The following CD99 variants were observed in gnomAD, a reference collection of about 807,000 sequenced individuals.
The protein encoded by CD99 is CD99 antigen.
CD99 carries 19 observed loss-of-function variants against 28.4 expected under a neutral mutation model. The observed-to-expected ratio is 0.67, with a 90% confidence interval of 0.47 to 0.98. CD99 has a LOEUF of 0.98. Among genes scored for constraint, CD99 ranks in the 50% least tolerant of loss-of-function variants. CD99 has a pLI of 0.00. For missense variants in CD99, 283 were observed against 248.8 expected (o/e 1.14, Z -0.92); for synonymous variants, 103 against 92.1 (o/e 1.12, Z -0.67).
chrX:2,728,834 CTTT>C (rs1332444102), intron 8 of CD99, among the ~76,000 whole-genome samples: 6 of 119,616 alleles, frequency 5.0e-5, no homozygotes, highest in Admixed American at 8.7e-5. Context: ...AACTCTCTGG[CTTT>C]TTTTTTTTTT....
intron 1 of CD99, among the ~76,000 whole-genome samples, chrX:2,702,843 G>A (rs2047928474): frequency 6.6e-6 from 1 of 151,820 alleles, no homozygotes; most frequent in Non-Finnish European, 1.5e-5. Flanking sequence ...GTGCAGTGGC[G>A]TGATCTTGGC....
Position 2,738,217 on chromosome X carries a change from G to C in CD99, c.493G>C (p.Asp165His). ...CTTTTCAGCAGAACAAGGGGAGGTG[G>C]ACATGGAGAGCCACCGGAATGCCAA... ...FKENAEQGEV[D>H]MESHRNANAE... is the part of the protein sequence containing the mutation. Residue 165 changes from aspartate (D) to histidine (H), a missense_variant, in exon 9 of 10, where the codon GAC becomes CAC. Transcript: ENST00000381192. 1 of 1,613,840 alleles carries C rather than the reference G, an allele frequency of 6.2e-7. No homozygotes were observed. Among genetic ancestry groups the C allele is most frequent in the Non-Finnish European group, 8.5e-7 (1 of 1,179,808 alleles).
At chrX:2,718,627 C>A (rs1363214629) in intron 3 of CD99, among the ~76,000 whole-genome samples, 1 of 152,178 alleles carries the variant, frequency 6.6e-6, no homozygotes, top group East Asian at 1.9e-4. Flanking sequence ...CCTTGGCCTC[C>A]CAAAGTGCTG....
chrX:2,727,486 T>C lies in CD99; in HGVS notation c.475+1113T>C, dbSNP rs997632429. 2.8e-4 allele frequency: 196 copies of C among 688,462 alleles called. 1 individual carries two copies. The highest frequency in any genetic ancestry group is 8.5e-4 in the South Asian group (55 of 65,000). The allele number at this position is 688,462 out of a possible 1,614,324, so 42.6% of individuals were successfully genotyped here. A position where few individuals can be genotyped will look rare whatever the true frequency, so the allele number is the denominator to read the frequency against. On this transcript the variant is annotated intron_variant, in intron 8 of 9. Transcript: ENST00000381192. ...GACCGGGAACAGCTACTCTTATTTT[T>C]TATTTCTTGAGACAGAGTTTCGCTC... is the stretch of plus-strand genomic sequence containing the variant.
Position 2,705,052 on chromosome X carries a change from C to T in CD99, c.68-9370C>T, listed in dbSNP as rs139200148. Among the ~76,000 whole-genome samples, 74 of 152,310 alleles carry T rather than the reference C, an allele frequency of 4.9e-4. No homozygotes were observed. The East Asian group carries it at 0.013, about 27-fold the overall frequency. ...TTTTCAAGCTAAGAAGACAGAGAGA[C>T]GAGTTTAACTATTGCTACAGACATG... On this transcript the variant is annotated intron_variant, in intron 1 of 9. Transcript: ENST00000381192.
intron 2 of CD99, 70 bp downstream of exon 2, chrX:2,714,524 C>G: frequency 2.4e-6 from 3 of 1,276,018 alleles, no homozygotes; most frequent in Non-Finnish European, 2.3e-6. Flanking sequence ...CAGGCATATC[C>G]CAGCCATTTC....
chrX:2,715,421 A>C (rs999328094), intron 2 of CD99: 2 of 152,116 alleles, frequency 1.3e-5, no homozygotes, highest in African/African-American at 4.8e-5. Flanking sequence ...CGGGAGCTCC[A>C]GGTGTCCCTG....
chrX:2,728,578 G>C (rs2049417810), intron 8 of CD99, among the ~76,000 whole-genome samples: 1 of 152,144 alleles, frequency 6.6e-6, no homozygotes, highest in Non-Finnish European at 1.5e-5. Context: ...TGTAAGAGAC[G>C]TACGATTAGA....
At chrX:2,738,169 G>T in intron 8 of CD99, 31 bp from the exon 9 acceptor site, 2 of 1,604,332 alleles carry the variant, frequency 1.2e-6, no homozygotes, top group South Asian at 2.2e-5. Flanking sequence ...GTTGCACTGA[G>T]CCTCTCTGTG....
chrX:2,708,675 C>T (rs1400958897), intron 1 of CD99, among the ~76,000 whole-genome samples: 1 of 152,118 alleles, frequency 6.6e-6, no homozygotes, highest in Non-Finnish European at 1.5e-5. Flanking sequence ...GGGCTAAGGG[C>T]AGAGGGTGGG....
At chrX:2,725,369 G>C (rs1288309777) in intron 7 of CD99, among the ~76,000 whole-genome samples, 1 of 152,120 alleles carries the variant, frequency 6.6e-6, no homozygotes, top group African/African-American at 2.4e-5. Context: ...TTGCACTCCA[G>C]CCTGTTTGAC....
intron 1 of CD99, among the ~76,000 whole-genome samples, chrX:2,694,936 A>G (rs2047502634): frequency 6.6e-6 from 1 of 152,170 alleles, no homozygotes; most frequent in African/African-American, 2.4e-5. Context: ...ATTTAGAAAG[A>G]AATGCAGCTC....
At chrX:2,691,890 G>C (rs905542254) in intron 1 of CD99, 3 of 779,218 alleles carry the variant, frequency 3.9e-6, no homozygotes, top group Non-Finnish European at 7.2e-6. Flanking sequence ...ATCGCTAGGA[G>C]CCTGAGACCC....
At chrX:2,739,058 T>C (rs2050081145) in intron 9 of CD99, among the ~76,000 whole-genome samples, 1 of 151,826 alleles carries the variant, frequency 6.6e-6, no homozygotes, top group Admixed American at 6.6e-5. Flanking sequence ...AAGGTCTCAC[T>C]AGGTTGCCCA....
chrX:2,706,889 C>T (rs28429861), intron 1 of CD99, among the ~76,000 whole-genome samples: 6,559 of 151,870 alleles, frequency 0.043, 206 homozygotes, highest in Non-Finnish European at 0.065. Context: ...GGTGCGATCT[C>T]GGCTCACTGC....
At chrX:2,705,741 C>A (rs1429565540) in intron 1 of CD99, among the ~76,000 whole-genome samples, 1 of 152,102 alleles carries the variant, frequency 6.6e-6, no homozygotes, top group Non-Finnish European at 1.5e-5. Context: ...TGTGACCGAT[C>A]GTCTGCCCGG....
chrX:2,699,993 A>G (rs2047770599), intron 1 of CD99, among the ~76,000 whole-genome samples: 1 of 152,226 alleles, frequency 6.6e-6, no homozygotes, highest in Non-Finnish European at 1.5e-5. Context: ...AGATAAAGAC[A>G]CTGGGGTCAG....
rs199746750 is a variant in CD99 at position 2,722,666 on chromosome X, G to C, written c.302G>C (p.Gly101Ala). 8 of 1,613,958 alleles carry C rather than the reference G, an allele frequency of 5.0e-6. No homozygotes were observed. Among genetic ancestry groups the C allele is most frequent in the Non-Finnish European group, 6.8e-6 (8 of 1,179,854 alleles). The stretch of plus-strand genomic sequence containing the variant: ...GCTGACCTTGCGGATGGCGTTTCAG[G>C]TGGAGAAGGTACAGTTATCTTGTTT... The part of the protein sequence containing the change: ...SDADLADGVS[G>A]GEGKGGSDGG... Residue 101 changes from glycine to alanine, a missense_variant, in exon 6 of 10, where the codon GGT becomes GCT. Gly to Ala is a moderately conservative substitution (Grantham distance 60). Coordinates refer to ENST00000381192, the MANE Select transcript of CD99 (RefSeq NM_002414.5).
In CD99 at chrX:2,704,205, G is replaced by A. The variant is rs182362307; in HGVS notation, c.68-10217G>A. Among the ~76,000 whole-genome samples the A allele has an allele frequency of 2.8e-3, 424 of 152,250 alleles. 5 individuals are homozygous for A. The highest frequency in any genetic ancestry group is 3.9e-3 in the East Asian group (20 of 5,178). On this transcript the variant is annotated intron_variant, in intron 1 of 9. Coordinates refer to ENST00000381192, the MANE Select transcript of CD99 (RefSeq NM_002414.5). ...TCTTTGGCCTCTTGTAAAACTTGGCGTAGCTCAGGGGACGTTCCCAGAGTT... is the reference window on the plus strand; with the variant it reads ...TCTTTGGCCTCTTGTAAAACTTGGCATAGCTCAGGGGACGTTCCCAGAGTT...
Sources: allele counts gnomAD v4.1 joint callset (sites outside exome capture counted in the v4.1 genomes callset), GRCh38; gene constraint gnomAD v4.1.1; transcripts MANE v1.5; gene names NCBI Gene and HGNC (gene_info 2026-07-23, HGNC 2026-07-21).